SORCS3: variants seen among roughly 807,000 people sequenced by gnomAD.
SORCS3 encodes the protein VPS10 domain-containing receptor SorCS3.
In SORCS3, 57 loss-of-function variants were observed where a neutral mutation model predicts 146.3. The observed-to-expected ratio is 0.39, with a 90% confidence interval of 0.31 to 0.49. The LOEUF (loss-of-function observed/expected upper bound fraction) is 0.49, where lower values mean the gene tolerates loss of function less well. Ranked by LOEUF, SORCS3 falls within the 20% of genes least tolerant of loss-of-function variation. SORCS3 has a pLI of 0.92. For synonymous variants in SORCS3, 653 were observed against 618.5 expected (o/e 1.06, Z -0.83); for missense variants, 1,341 against 1,575.5 (o/e 0.85, Z 2.52).
At chr10:104,815,711 A>G (rs2017790198) in intron 1 of SORCS3, among the ~76,000 whole-genome samples, 1 of 152,132 alleles carries the variant, frequency 6.6e-6, no homozygotes. Flanking sequence ...AATACATAAA[A>G]CAAAAACAGT....
intron 3 of SORCS3, among the ~76,000 whole-genome samples, chr10:104,932,219 G>A (rs1262985350): frequency 6.6e-6 from 1 of 152,170 alleles, no homozygotes; most frequent in African/African-American, 2.4e-5. Flanking sequence ...AACCCGTCTT[G>A]CCTCAGCTGG....
intron 4 of SORCS3, among the ~76,000 whole-genome samples, chr10:104,981,210 A>G (rs2133654145): frequency 6.6e-6 from 1 of 152,282 alleles, no homozygotes; most frequent in African/African-American, 2.4e-5. Context: ...TCTACCTCCC[A>G]TGCCAGCTCC....
chr10:104,648,205 C>G (rs1021448654), intron 1 of SORCS3, among the ~76,000 whole-genome samples: 5 of 152,176 alleles, frequency 3.3e-5, no homozygotes, highest in African/African-American at 1.2e-4. Flanking sequence ...TGCAGAATGT[C>G]AAGACTGGAA....
intron 1 of SORCS3, among the ~76,000 whole-genome samples, chr10:104,722,578 G>C (rs966855204): frequency 6.6e-6 from 1 of 152,198 alleles, no homozygotes; most frequent in African/African-American, 2.4e-5. Flanking sequence ...TGTACCTCTG[G>C]TAGAATTTGG....
intron 7 of SORCS3, among the ~76,000 whole-genome samples, chr10:105,125,923 A>G (rs963111675): frequency 6.6e-6 from 1 of 152,162 alleles, no homozygotes; most frequent in Non-Finnish European, 1.5e-5. Context: ...ACATATCATA[A>G]CCAATAGGTG....
intron 2 of SORCS3, among the ~76,000 whole-genome samples, chr10:104,856,271 GTCTCTC>G (rs573415575): frequency 6.7e-6 from 1 of 148,490 alleles, no homozygotes; most frequent in Non-Finnish European, 1.5e-5. Context: ...TAATTGGTTG[GTCTCTC>G]TCTCTCTCTC....
intron 25 of SORCS3, among the ~76,000 whole-genome samples, chr10:105,260,981 AAG>A (rs2056957038): frequency 6.6e-6 from 1 of 152,222 alleles, no homozygotes; most frequent in Non-Finnish European, 1.5e-5. Context: ...GTAAAGTAGA[AAG>A]AGCACAGGAT....
intron 7 of SORCS3, among the ~76,000 whole-genome samples, chr10:105,129,331 CTTTTTT>C (rs71022753): frequency 0.15 from 15,648 of 104,546 alleles, 1,363 homozygotes; most frequent in Middle Eastern, 0.21. Flanking sequence ...CTTTCTTTCT[CTTTTTT>C]TTTTTTTTTT....
chr10:104,977,457 A>G lies in SORCS3; in HGVS notation c.918A>G (p.Gln306=), dbSNP rs758493751. The change falls in exon 4 of 27, where the codon CAA becomes CAG. Residue 306 remains glutamine (Q), a synonymous_variant. Coordinates refer to ENST00000369701, the MANE Select transcript of SORCS3 (RefSeq NM_014978.3). Reference sequence around the variant, plus strand: ...AGAGCCTGCTCTTTCATCCCAAGCAAGAGGACTGGGTGCTGGCCTACAGTT... The same window carrying G: ...AGAGCCTGCTCTTTCATCCCAAGCAGGAGGACTGGGTGCTGGCCTACAGTT... The part of the protein sequence containing the change: ...YIQSLLFHPK[Q]EDWVLAYSLD... The G allele has an allele frequency of 1.2e-6, 2 of 1,613,214 alleles. No individual in the cohort carries two copies. Among genetic ancestry groups the G allele is most frequent in the Admixed American group, 3.3e-5 (2 of 59,978 alleles).
intron 2 of SORCS3, among the ~76,000 whole-genome samples, chr10:104,905,506 G>A (rs1157047487): frequency 6.6e-6 from 1 of 152,192 alleles, no homozygotes; most frequent in Admixed American, 6.5e-5. Context: ...CTGTCTGAAT[G>A]TGACTATTTC....
At chr10:104,985,904 A>C (rs2054959534) in intron 4 of SORCS3, among the ~76,000 whole-genome samples, 1 of 152,190 alleles carries the variant, frequency 6.6e-6, no homozygotes, top group East Asian at 1.9e-4. Context: ...TTGCTGGTCC[A>C]TTTATAGAGC....
chr10:104,907,163 CTATT>C (rs1241545908), intron 2 of SORCS3, among the ~76,000 whole-genome samples: 1 of 146,760 alleles, frequency 6.8e-6, no homozygotes, highest in African/African-American at 2.5e-5. Context: ...GTAATACACT[CTATT>C]TAGCCTTTCC....
chr10:105,138,853 G>T (rs1474470949), intron 7 of SORCS3, among the ~76,000 whole-genome samples: 2 of 152,192 alleles, frequency 1.3e-5, no homozygotes, highest in African/African-American at 4.8e-5. Flanking sequence ...CTTGTACGTG[G>T]AAAGAGTCAA....
chr10:104,825,684 T>G (rs564118557), intron 1 of SORCS3, among the ~76,000 whole-genome samples: 3 of 152,164 alleles, frequency 2.0e-5, no homozygotes, highest in Non-Finnish European at 4.4e-5. Context: ...GGTGAGATGT[T>G]ATTATGGGAT....
chr10:105,076,741 C>A (rs745358), intron 5 of SORCS3, among the ~76,000 whole-genome samples: 4 of 152,030 alleles, frequency 2.6e-5, no homozygotes, highest in Non-Finnish European at 4.4e-5. Context: ...AACAAATGGG[C>A]CATGTGGTAG....
chr10:105,009,392 G>C (rs931072838), intron 4 of SORCS3, among the ~76,000 whole-genome samples: 1 of 152,040 alleles, frequency 6.6e-6, no homozygotes, highest in Non-Finnish European at 1.5e-5. Flanking sequence ...TATTATGTAG[G>C]TTTCTGCCCT....
chr10:104,863,326 C>T (rs1202924042), intron 2 of SORCS3, among the ~76,000 whole-genome samples: 1 of 152,228 alleles, frequency 6.6e-6, no homozygotes, highest in Non-Finnish European at 1.5e-5. Flanking sequence ...TACTGCCTCG[C>T]TTTCAAACAT....
chr10:104,943,239 C>T (rs1480548994), intron 3 of SORCS3, among the ~76,000 whole-genome samples: 2 of 152,148 alleles, frequency 1.3e-5, no homozygotes, highest in African/African-American at 2.4e-5. Context: ...AAGCAATTCT[C>T]CTGCCTCAGC....
chr10:104,990,967 AG>A (rs2054990323), intron 4 of SORCS3, among the ~76,000 whole-genome samples: 1 of 152,188 alleles, frequency 6.6e-6, no homozygotes, highest in African/African-American at 2.4e-5. Flanking sequence ...TTGTTACAGT[AG>A]CAATAGGAAA....
Sources: allele counts gnomAD v4.1 joint callset (sites outside exome capture counted in the v4.1 genomes callset), GRCh38; gene constraint gnomAD v4.1.1; transcripts MANE v1.5; gene names NCBI Gene and HGNC (gene_info 2026-07-23, HGNC 2026-07-21).